Variants in CASP6 observed in about 807,000 individuals in gnomAD.
CASP6 encodes caspase-6.
CASP6 carries 20 observed loss-of-function variants against 31.8 expected under a neutral mutation model. That is an observed-to-expected ratio of 0.63 (90% CI 0.44 to 0.91). The LOEUF (loss-of-function observed/expected upper bound fraction) is 0.91. Among genes scored for constraint, CASP6 ranks in the 40% least tolerant of loss-of-function variants. The pLI is 0.00. For synonymous variants in CASP6, 130 were observed against 127.8 expected (o/e 1.02, Z -0.12); for missense variants, 328 against 361.1 (o/e 0.91, Z 0.74).
intron 1 of CASP6, among the ~76,000 whole-genome samples, chr4:109,699,331 G>A (rs559320373): frequency 6.6e-6 from 1 of 152,232 alleles, no homozygotes; most frequent in South Asian, 2.1e-4. Flanking sequence ...CTAGCCAAAA[G>A]GGTTGGTTCC....
At chr4:109,696,028 G>A (rs944654309) in intron 4 of CASP6, among the ~76,000 whole-genome samples, 2 of 152,186 alleles carry the variant, frequency 1.3e-5, no homozygotes, top group African/African-American at 4.8e-5. Context: ...GGTAATGTAT[G>A]TAAACCAACA....
chr4:109,690,987 T>C lies in CASP6; in HGVS notation c.506A>G (p.Asp169Gly). The C allele has an allele frequency of 6.2e-7, 1 of 1,611,684 alleles. No homozygotes were observed. Among genetic ancestry groups the C allele is most frequent in the Non-Finnish European group, 8.5e-7 (1 of 1,179,130 alleles). Reference protein sequence around the residue: ...IIQACRGNQHDVPVIPLDVVD... With the variant: ...IIQACRGNQHGVPVIPLDVVD... ...TACATCCAAAGGAATGACTGGCACATCGTGCTGGTTTCCCCGACATGCCTA... is the reference window on the plus strand; with the variant it reads ...TACATCCAAAGGAATGACTGGCACACCGTGCTGGTTTCCCCGACATGCCTA... Residue 169 changes from aspartate to glycine, a missense_variant, in exon 6 of 7, where the codon GAT becomes GGT. Physicochemically the swap from Asp to Gly is moderately conservative, Grantham distance 94. Transcript: ENST00000265164.
chr4:109,699,663 T>G (rs1730359616), intron 1 of CASP6, among the ~76,000 whole-genome samples: 1 of 152,122 alleles, frequency 6.6e-6, no homozygotes, highest in South Asian at 2.1e-4. Flanking sequence ...ACAAAGTGAT[T>G]TTTACACTAA....
At chr4:109,708,034 C>T (rs1435628791), upstream of CASP6, among the ~76,000 whole-genome samples, 1 of 152,082 alleles carries the variant, frequency 6.6e-6, no homozygotes, top group African/African-American at 2.4e-5. Context: ...TGTGTTAAGG[C>T]ACCACTTCTA....
At chr4:109,697,347 G>A (rs949992773) in intron 3 of CASP6, among the ~76,000 whole-genome samples, 4 of 151,606 alleles carry the variant, frequency 2.6e-5, no homozygotes, top group Non-Finnish European at 5.9e-5. Context: ...TCACAGCTCC[G>A]TGCAGCCTTG....
chr4:109,707,375 G>A (rs1227691409), upstream of CASP6, among the ~76,000 whole-genome samples: 3 of 150,964 alleles, frequency 2.0e-5, no homozygotes, highest in Admixed American at 6.6e-5. Context: ...GTAAACTGGA[G>A]GTAACTCCTG....
Position 109,689,514 on chromosome 4 carries a change from C to A in CASP6, c.698G>T (p.Cys233Phe). The A allele has an allele frequency of 6.2e-7, 1 of 1,614,176 alleles. No individual in the cohort carries two copies. The highest frequency in any genetic ancestry group is 8.5e-7 in the Non-Finnish European group (1 of 1,180,038). Reference protein sequence around the residue: ...VNGSWYIQDLCEMLGKYGSSL... With the variant: ...VNGSWYIQDLFEMLGKYGSSL... ...GGAGCCATATTTTCCCAACATCTCA[C>A]ACAAATCTTGAATGTACCATGAGCC... The change falls in exon 7 of 7, where the codon TGT becomes TTT. Residue 233 changes from cysteine (C) to phenylalanine (F), a missense_variant. By Grantham distance (205) the Cys-to-Phe change is radical. Coordinates refer to ENST00000265164, the MANE Select transcript of CASP6 (RefSeq NM_001226.4).
At chr4:109,679,305 G>A in the CASP6 span, among the ~76,000 whole-genome samples, 15 of 152,352 alleles carry the variant, frequency 9.8e-5, no homozygotes, top group East Asian at 2.9e-3. Context: ...GCGGCTGGGA[G>A]GTGGAGGTTG....
chr4:109,696,494 T>TGCCAAAAGAACCTCTC lies in CASP6; in HGVS notation c.231-9_231-8insGAGAGGTTCTTTTGGC. The TGCCAAAAGAACCTCTC allele has an allele frequency of 6.3e-7, 1 of 1,592,740 alleles. No homozygotes were observed. Among genetic ancestry groups the TGCCAAAAGAACCTCTC allele is most frequent in the Non-Finnish European group, 8.6e-7 (1 of 1,163,326 alleles). On this transcript the variant is annotated splice_polypyrimidine_tract_variant and intron_variant, in intron 3 of 6. Coordinates refer to ENST00000265164, the MANE Select transcript of CASP6 (RefSeq NM_001226.4). ...AATCCTAGATCTGAAAACCTAGTGGTATATTAAATGAAATGTTAGCCTATA... is the reference window on the plus strand; with the variant it reads ...AATCCTAGATCTGAAAACCTAGTGGTGCCAAAAGAACCTCTCATATTAAATGAAATGTTAGCCTATA...
At chr4:109,664,526 A>G in the CASP6 span, 7 of 556,428 alleles carry the variant, frequency 1.3e-5, no homozygotes, top group Non-Finnish European at 1.9e-5. Context: ...CTGGGCTCAA[A>G]CAATCCTCCC....
At chr4:109,667,744 T>G in the CASP6 span, among the ~76,000 whole-genome samples, 17 of 151,492 alleles carry the variant, frequency 1.1e-4, 1 homozygote, top group South Asian at 1.0e-3. Flanking sequence ...AAGTATAAGT[T>G]CAGATCTTAT....
At chr4:109,704,786 C>A (rs909892032), upstream of CASP6, among the ~76,000 whole-genome samples, 3 of 152,170 alleles carry the variant, frequency 2.0e-5, no homozygotes. Flanking sequence ...TCTTTTGCAA[C>A]CTCTGCCTCC....
chr4:109,694,704 T>A lies in CASP6; in HGVS notation c.308-4A>T. 3 of 1,565,026 alleles carry A rather than the reference T, an allele frequency of 1.9e-6. No homozygotes were observed. Among genetic ancestry groups the A allele is most frequent in the Non-Finnish European group, 1.7e-6 (2 of 1,157,790 alleles). On this transcript the variant is annotated splice_region_variant and splice_polypyrimidine_tract_variant and intron_variant, in intron 4 of 6. Transcript: ENST00000265164. ...TCTGCGTGGCTAACAGTTGACACTA[T>A]AAAGGACCCAAAAGAGAATATAGAA...
At chr4:109,687,367 T>A (rs80012156), downstream of CASP6, 7,104 of 552,104 alleles carry the variant, frequency 0.013, 397 homozygotes, top group African/African-American at 0.12. Flanking sequence ...TCAAGAAAAA[T>A]ATATATATAT....
chr4:109,674,774 T>G, the CASP6 span, among the ~76,000 whole-genome samples: 1 of 152,258 alleles, frequency 6.6e-6, no homozygotes, highest in Non-Finnish European at 1.5e-5. Context: ...TGCTGATATA[T>G]TAGAATAATT....
At chr4:109,700,460 C>T (rs1447265787) in intron 1 of CASP6, among the ~76,000 whole-genome samples, 5 of 152,190 alleles carry the variant, frequency 3.3e-5, no homozygotes, top group Non-Finnish European at 5.9e-5. Flanking sequence ...AGTTCTAGGA[C>T]ATAGTGTGCT....
the CASP6 span, among the ~76,000 whole-genome samples, chr4:109,708,631 A>G: frequency 6.6e-6 from 1 of 152,186 alleles, no homozygotes; most frequent in African/African-American, 2.4e-5. Flanking sequence ...ACAAGAGTGG[A>G]ACTCCAGTTG....
At position 109,688,772 on chromosome 4, in the gene CASP6, A is replaced by AAAAT. The variant is rs1474357557; in HGVS notation, c.*554_*557dup. ...TTTGTGTAACCCTGCAGTTTATTAA[A>AAAAT]AAATAATACAAATGCTTATAAATTT... On this transcript the variant is annotated 3_prime_UTR_variant, in exon 7 of 7. Transcript: ENST00000265164. 6 of 152,314 alleles carry AAAAT rather than the reference A, an allele frequency of 3.9e-5. No homozygotes were observed. In the South Asian group the frequency reaches 1.0e-3, roughly 26 times the overall value. 9.4% of individuals were successfully genotyped at this position (152,314 alleles called of 1,614,324 possible).
At chr4:109,708,781 C>T in the CASP6 span, among the ~76,000 whole-genome samples, 1,345 of 151,928 alleles carry the variant, frequency 8.9e-3, 51 homozygotes, top group East Asian at 0.084. Flanking sequence ...ACCTTTTTTT[C>T]CCCTTATTCA....
Sources: gnomAD v4.1 joint callset for allele counts (sites outside exome capture counted in the v4.1 genomes callset) on GRCh38, gnomAD v4.1.1 for gene constraint, MANE v1.5 for transcripts, NCBI Gene and HGNC (gene_info 2026-07-23, HGNC 2026-07-21) for gene names.